Variants in AFAP1 observed in about 807,000 individuals in gnomAD.
The protein encoded by AFAP1 is actin filament-associated protein 1.
Under a neutral mutation model 93.9 loss-of-function variants are expected in AFAP1, and 75 were observed. That is an observed-to-expected ratio of 0.80 (90% CI 0.66 to 0.97). AFAP1 has a LOEUF of 0.97. AFAP1 is among the 50% of genes least tolerant of loss of function. The probability of loss-of-function intolerance (pLI) is 0.00; values close to 1 mark genes in which losing one functional copy is unlikely to be tolerated. For synonymous variants in AFAP1, 517 were observed against 430.7 expected, an observed-to-expected ratio of 1.20 and a Z score of -2.48; for missense variants, 1,201 against 1,050.8, an observed-to-expected ratio of 1.14 and a Z score of -1.98.
chr4:7,766,260 C>G (rs766322500), intron 17 of AFAP1, among the ~76,000 whole-genome samples: 5 of 152,158 alleles, frequency 3.3e-5, no homozygotes, highest in Non-Finnish European at 7.3e-5. Context: ...CCTGGGACAG[C>G]TATGTGGGCC....
chr4:7,881,906 C>A (rs1255673595), intron 1 of AFAP1, among the ~76,000 whole-genome samples: 1 of 152,190 alleles, frequency 6.6e-6, no homozygotes, highest in African/African-American at 2.4e-5. Flanking sequence ...TTATCTCATC[C>A]TTAAAGCGAG....
chr4:7,888,370 C>T (rs1285290121), intron 1 of AFAP1, among the ~76,000 whole-genome samples: 2 of 152,116 alleles, frequency 1.3e-5, no homozygotes, highest in African/African-American at 2.4e-5. Context: ...TAGGAGGCTA[C>T]CCACCAATAA....
intron 12 of AFAP1, among the ~76,000 whole-genome samples, chr4:7,785,312 C>T (rs908584114): frequency 6.6e-6 from 1 of 152,148 alleles, no homozygotes; most frequent in South Asian, 2.1e-4. Flanking sequence ...GACAGACCCC[C>T]GAGGCCAGCG....
chr4:7,767,911 T>C (rs1714836433), intron 17 of AFAP1, among the ~76,000 whole-genome samples: 1 of 152,070 alleles, frequency 6.6e-6, no homozygotes, highest in Non-Finnish European at 1.5e-5. Flanking sequence ...CTCATCTCTA[T>C]AAAGAATACA....
intron 3 of AFAP1, chr4:7,862,344 CA>C (rs1715808253): frequency 8.3e-6 from 1 of 120,206 alleles, no homozygotes; most frequent in Non-Finnish European, 1.6e-5. Flanking sequence ...AAAAAACAAA[CA>C]AAAAACTTCA....
At chr4:7,854,044 TGAAAGTACACTGCAGGG>T (rs1236977367) in intron 4 of AFAP1, among the ~76,000 whole-genome samples, 1 of 152,074 alleles carries the variant, frequency 6.6e-6, no homozygotes, top group African/African-American at 2.4e-5. Flanking sequence ...TTTCCAGCCT[TGAAAGTACACTGCAGGG>T]GAAGGGCCAG....
intron 11 of AFAP1, among the ~76,000 whole-genome samples, chr4:7,787,146 C>G (rs1364995179): frequency 2.0e-5 from 3 of 152,226 alleles, no homozygotes; most frequent in Non-Finnish European, 4.4e-5. Flanking sequence ...CCAGGGAAAC[C>G]AACCCTGTGA....
At chr4:7,851,648 T>C (rs867725077) in intron 4 of AFAP1, among the ~76,000 whole-genome samples, 3 of 152,142 alleles carry the variant, frequency 2.0e-5, no homozygotes, top group South Asian at 2.1e-4. Flanking sequence ...TATGTGGACA[T>C]GATGGCAGGA....
At chr4:7,793,921 G>A (rs1017636276) in intron 10 of AFAP1, 95 bp from the exon 11 acceptor site, 32 of 1,275,994 alleles carry the variant, frequency 2.5e-5, no homozygotes, top group Admixed American at 7.5e-5. Flanking sequence ...TAGGAAAGGC[G>A]ATGAAACATG....
chr4:7,804,030 C>T (rs981472604), intron 9 of AFAP1, among the ~76,000 whole-genome samples: 1 of 152,234 alleles, frequency 6.6e-6, no homozygotes, highest in Admixed American at 6.5e-5. Flanking sequence ...ATGAAGAGGC[C>T]ACGAAGGAAA....
At chr4:7,807,553 A>G (rs1719635654) in intron 9 of AFAP1, among the ~76,000 whole-genome samples, 1 of 152,142 alleles carries the variant, frequency 6.6e-6, no homozygotes, top group South Asian at 2.1e-4. Context: ...CTGTGACTCA[A>G]CTGCCATTTG....
intron 1 of AFAP1, among the ~76,000 whole-genome samples, chr4:7,938,113 C>A (rs6819776): frequency 0.9 from 136,954 of 152,164 alleles, 61,834 homozygotes; most frequent in African/African-American, 0.97. Context: ...GGAGCCACCT[C>A]AACAGAGTCC....
At chr4:7,918,167 C>A (rs7694106) in intron 1 of AFAP1, among the ~76,000 whole-genome samples, 125,576 of 146,372 alleles carry the variant, frequency 0.86, 53,705 homozygotes, top group African/African-American at 0.96. Flanking sequence ...ACCAGGAAAC[C>A]GGGCTGCCAG....
chr4:7,848,104 G>GAAGGAAGC lies in AFAP1; in HGVS notation c.335-4755_335-4754insGCTTCCTT, dbSNP rs1285574128. On this transcript the variant is annotated intron_variant, in intron 4 of 17. Coordinates refer to ENST00000420658, the MANE Select transcript of AFAP1 (RefSeq NM_001134647.2). ...GGAAGGAGGGAGGGAAGGAAAGAAG[G>GAAGGAAGC]AAGGAAGGAAGGAAGGAAGGAAGGG... Among the ~76,000 whole-genome samples the GAAGGAAGC allele has an allele frequency of 3.0e-3, 171 of 56,268 alleles. 2 individuals carry two copies. Among genetic ancestry groups the GAAGGAAGC allele is most frequent in the African/African-American group, 7.1e-3 (159 of 22,494 alleles). The allele number at this position is 56,268 out of a possible 152,430, so 36.9% of individuals were successfully genotyped here. A position where few individuals can be genotyped will look rare whatever the true frequency, so the allele number is the denominator to read the frequency against.
At chr4:7,791,903 C>T (rs1208494117) in intron 11 of AFAP1, among the ~76,000 whole-genome samples, 3 of 151,736 alleles carry the variant, frequency 2.0e-5, no homozygotes, top group Non-Finnish European at 4.4e-5. Flanking sequence ...CAAAACGTGG[C>T]AGAGTGTTCA....
Position 7,768,861 on chromosome 4 carries a change from C to A in AFAP1, c.2401G>T (p.Val801Leu). 3.1e-6 allele frequency: 5 copies of A among 1,603,978 alleles called. No individual in the cohort carries two copies. The highest frequency in any genetic ancestry group is 3.4e-6 in the Non-Finnish European group (4 of 1,172,672). Residue 801 changes from valine (V) to leucine (L), a missense_variant, in exon 17 of 18, where the codon GTG becomes TTG. By Grantham distance (32) the Val-to-Leu change is conservative (BLOSUM62 1). Coordinates refer to ENST00000420658, the MANE Select transcript of AFAP1 (RefSeq NM_001134647.2). ...GGGCTTACCTTGGCCTTCCGCAGCA[C>A]ATGCCCTCGGCAGGGGGAGCTGCCC... is the stretch of plus-strand genomic sequence containing the variant. The part of the protein sequence containing the change: ...APGSSPCRGH[V>L]LRKAKEWELK...
chr4:7,808,882 T>C (rs1430859478), intron 9 of AFAP1, among the ~76,000 whole-genome samples: 1 of 152,024 alleles, frequency 6.6e-6, no homozygotes, highest in Non-Finnish European at 1.5e-5. Flanking sequence ...TTGCCACGAG[T>C]AAAAGCTTCC....
In AFAP1 at chr4:7,760,935, T is replaced by A. The variant is rs114876996; in HGVS notation, c.*2830A>T. ...GACCATCTGCTAAGTACCAGTGACA[T>A]TGCGAAGAAATCCGGCTTCTCCGGG... On this transcript the variant is annotated 3_prime_UTR_variant, in exon 18 of 18. Coordinates refer to ENST00000420658, the MANE Select transcript of AFAP1 (RefSeq NM_001134647.2). 6.6e-6 allele frequency: 1 copy of A among 152,220 alleles called. No individual in the cohort carries two copies. The highest frequency in any genetic ancestry group is 2.4e-5 in the African/African-American group (1 of 41,442). 9.4% of individuals were successfully genotyped at this position (152,220 alleles called of 1,614,324 possible). A position where few individuals can be genotyped will look rare whatever the true frequency, so the allele number is the denominator to read the frequency against.
In AFAP1 at chr4:7,781,386, A is replaced by G. The variant is rs1577198868; in HGVS notation, c.1772T>C (p.Leu591Pro). 1 of 1,551,460 alleles carries G rather than the reference A, an allele frequency of 6.4e-7. No homozygotes were observed. The highest frequency in any genetic ancestry group is 8.7e-7 in the Non-Finnish European group (1 of 1,146,844). Residue 591 changes from leucine (L) to proline (P), a missense_variant, in exon 13 of 18, where the codon CTC (leucine) becomes CCC (proline). By Grantham distance (98) the Leu-to-Pro change is moderately conservative (BLOSUM62 -3). Transcript: ENST00000420658. ...AAGAAGATGCCGTACCTGCGAGTTG[A>G]GCCCGAGAGACGCCCTCCCCACAGA... ...TSSVGRASLG[L>P]NSQLKGKKPP...
Sources: gnomAD v4.1 joint callset for allele counts (sites outside exome capture counted in the v4.1 genomes callset) on GRCh38, gnomAD v4.1.1 for gene constraint, MANE v1.5 for transcripts, NCBI Gene and HGNC (gene_info 2026-07-23, HGNC 2026-07-21) for gene names.